The following ESRP2 variants were observed in gnomAD, a reference collection of about 807,000 sequenced individuals.
The protein encoded by ESRP2 is RNA binding motif protein 35A.
Under a neutral mutation model 78.6 loss-of-function variants are expected in ESRP2, and 48 were observed. That is an observed-to-expected ratio of 0.61 (90% CI 0.48 to 0.78). The LOEUF (loss-of-function observed/expected upper bound fraction) is 0.78. ESRP2 is among the 30% of genes least tolerant of loss of function. The pLI is 0.00. For synonymous variants in ESRP2, 383 were observed against 406.7 expected (o/e 0.94, Z 0.70); for missense variants, 863 against 965.9 (o/e 0.89, Z 1.41).
At position 68,231,636 on chromosome 16, in the gene ESRP2, G is replaced by A. The variant is rs771319510; in HGVS notation, c.1358C>T (p.Pro453Leu). The A allele has an allele frequency of 4.3e-6, 7 of 1,613,938 alleles. No individual in the cohort carries two copies. The South Asian group carries it at 7.7e-5, about 18-fold the overall frequency. Reference protein sequence around the residue: ...LLPTLTAPLLPIPFPLAPGTG... With the variant: ...LLPTLTAPLLLIPFPLAPGTG... ...CCCAGGTGCCAGTGGGAAGGGGATGGGCAGCAGTGGGGCAGTCAGTGTAGG... is the reference window on the plus strand; with the variant it reads ...CCCAGGTGCCAGTGGGAAGGGGATGAGCAGCAGTGGGGCAGTCAGTGTAGG... The change falls in exon 11 of 15, where the codon CCC (proline) becomes CTC (leucine). Residue 453 changes from proline (P) to leucine (L), a missense_variant. By Grantham distance (98) the Pro-to-Leu change is moderately conservative (BLOSUM62 -3). Coordinates refer to ENST00000473183, the MANE Select transcript of ESRP2 (RefSeq NM_024939.3). The surrounding 1 kb of genome is among the most constrained non-coding windows in gnomAD (Gnocchi z 6.0).
rs969448972 is a variant in ESRP2 at position 68,229,093 on chromosome 16, C to T, written c.*1133G>A. 1.3e-5 allele frequency: 2 copies of T among 152,186 alleles called. No homozygotes were observed. The highest frequency in any genetic ancestry group is 2.9e-5 in the Non-Finnish European group (2 of 68,032). The allele number at this position is 152,186 out of a possible 1,614,324, so 9.4% of individuals were successfully genotyped here. ...GATGTTTAGTAAAGGAACTGGTTCT[C>T]AGTTATGTTTACAGCACTTGGAATT... On this transcript the variant is annotated 3_prime_UTR_variant, in exon 15 of 15. Transcript: ENST00000473183.
In ESRP2 at chr16:68,231,479, C is replaced by T. The variant is rs769287074; in HGVS notation, c.1512+3G>A. ...TGTTCCCCCTACCAAGCAGTGGCTT[C>T]ACCTGCTGGTTGAGCACCATGTGTA... On this transcript the variant is annotated splice_donor_region_variant and intron_variant, in intron 11 of 14. Coordinates refer to ENST00000473183, the MANE Select transcript of ESRP2 (RefSeq NM_024939.3). This position sits in a 1 kb window ranked among gnomAD's most constrained non-coding sequence, Gnocchi z 6.0. 1.9e-6 allele frequency: 3 copies of T among 1,614,084 alleles called. No homozygotes were observed. The highest frequency in any genetic ancestry group is 2.5e-6 in the Non-Finnish European group (3 of 1,179,990).
At position 68,232,931 on chromosome 16, in the gene ESRP2, G is replaced by T; in HGVS notation, c.656-116C>A. On this transcript the variant is annotated intron_variant, in intron 5 of 14. Transcript: ENST00000473183. This position sits in a 1 kb window ranked among gnomAD's most constrained non-coding sequence, Gnocchi z 5.2. ...AAGAAATGACAGGCCGAGCACAGTG[G>T]CTCACGCCTATAATCCCAGCACTTT... The T allele has an allele frequency of 2.1e-6, 3 of 1,433,298 alleles. No individual in the cohort carries two copies. The highest frequency in any genetic ancestry group is 2.9e-6 in the Non-Finnish European group (3 of 1,036,700). The allele number at this position is 1,433,298 out of a possible 1,614,324, so 88.8% of individuals were successfully genotyped here. A position where few individuals can be genotyped will look rare whatever the true frequency, so the allele number is the denominator to read the frequency against.
Position 68,235,985 on chromosome 16 carries a change from C to T in ESRP2, c.61G>A (p.Ala21Thr). The change falls in exon 1 of 15, where the codon GCG becomes ACG. Residue 21 changes from alanine to threonine, a missense_variant. Ala to Thr is a moderately conservative substitution (Grantham distance 58). Transcript: ENST00000473183. The surrounding 1 kb of genome is among the most constrained non-coding windows in gnomAD (Gnocchi z 5.5). The stretch of plus-strand genomic sequence containing the variant: ...GATCCGGGCCAGGGGCAGGGGTCCG[C>T]GGCGGGGTCGGCCGCGGGGTCAGGG... ...PGPDPAADPAADPCPWPGSLV... is the reference protein window; with the variant it reads ...PGPDPAADPATDPCPWPGSLV... 1 of 1,583,302 alleles carries T rather than the reference C, an allele frequency of 6.3e-7. No individual in the cohort carries two copies. Among genetic ancestry groups the T allele is most frequent in the South Asian group, 1.1e-5 (1 of 87,930 alleles).
At chr16:68,233,175 G>T (rs2042169904) in intron 5 of ESRP2, 152 bp downstream of exon 5, 2 of 630,476 alleles carry the variant, frequency 3.2e-6, no homozygotes, top group African/African-American at 1.9e-5. Context: ...CTCTAGCCTA[G>T]GCTACAGAGG....
chr16:68,236,012 C>T lies in ESRP2; in HGVS notation c.34G>A (p.Gly12Ser). Residue 12 changes from glycine (G) to serine (S), a missense_variant, in exon 1 of 15, where the codon GGC becomes AGC. Physicochemically the swap from Gly to Ser is moderately conservative, Grantham distance 56 (BLOSUM62 0). Transcript: ENST00000473183. The surrounding 1 kb of genome is among the most constrained non-coding windows in gnomAD (Gnocchi z 5.2). ...TPPPPPPPPP[G>S]PDPAADPAAD... Reference sequence around the variant, plus strand: ...GCGGGGTCGGCCGCGGGGTCAGGGCCCGGGGGAGGGGGCGGCGGCGGCGGC... The same window carrying T: ...GCGGGGTCGGCCGCGGGGTCAGGGCTCGGGGGAGGGGGCGGCGGCGGCGGC... 6.6e-7 allele frequency: 1 copy of T among 1,508,238 alleles called. No homozygotes were observed. The highest frequency in any genetic ancestry group is 8.8e-7 in the Non-Finnish European group (1 of 1,136,022). 93.4% of individuals were successfully genotyped at this position (1,508,238 alleles called of 1,614,324 possible). A position where few individuals can be genotyped will look rare whatever the true frequency, so the allele number is the denominator to read the frequency against.
chr16:68,234,181 A>C (rs2042189709), intron 2 of ESRP2, 74 bp from the exon 3 acceptor site: 1 of 1,187,492 alleles, frequency 8.4e-7, no homozygotes, highest in African/African-American at 1.5e-5. Flanking sequence ...GGTAGGAGGA[A>C]GGAGGCAGGC....
At position 68,230,509 on chromosome 16, in the gene ESRP2, A is replaced by C. The variant is rs770054239; in HGVS notation, c.1944T>G (p.Thr648=). 2 of 1,603,440 alleles carry C rather than the reference A, an allele frequency of 1.2e-6. No homozygotes were observed. Among genetic ancestry groups the C allele is most frequent in the Non-Finnish European group, 8.5e-7 (1 of 1,174,150 alleles). Residue 648 remains threonine (T), a synonymous_variant, in exon 14 of 15, where the codon ACT becomes ACG. Transcript: ENST00000473183. ...AGGTGGGAGCAGAGGCCAGGGCAGC[A>C]GTGGGTGTAGTGAGGTAGCCCACAG... ...PTTVGYLTTP[T]AALASAPTSV...
chr16:68,234,017 G>A lies in ESRP2; in HGVS notation c.418C>T (p.Leu140=). 6.2e-7 allele frequency: 1 copy of A among 1,614,094 alleles called. No individual in the cohort carries two copies. Among genetic ancestry groups the A allele is most frequent in the Non-Finnish European group, 8.5e-7 (1 of 1,179,992 alleles). The change falls in exon 3 of 15, where the codon CTG becomes TTG. Residue 140 remains leucine, a synonymous_variant. Coordinates refer to ENST00000473183, the MANE Select transcript of ESRP2 (RefSeq NM_024939.3). The stretch of plus-strand genomic sequence containing the variant: ...ACCTTCCTGGAGGCCTCGGGGTGCA[G>A]GACCTGTCGCAATAGCTGCTGCCCA... ...TDGQQLLRQV[L]HPEASRKNLV...
At chr16:68,234,324 C>A in intron 2 of ESRP2, 2 of 567,520 alleles carry the variant, frequency 3.5e-6, no homozygotes, top group South Asian at 4.4e-5. Context: ...CTCCTCCAGG[C>A]CAAATGAGGG....
chr16:68,233,123 C>A (rs959152317), intron 5 of ESRP2: 1 of 607,436 alleles, frequency 1.6e-6, no homozygotes, highest in East Asian at 2.8e-5. Context: ...CGCTTGAACC[C>A]GGAAAGTGGA....
rs374092654 is a variant in ESRP2 at position 68,230,251 on chromosome 16, G to A, written c.2129C>T (p.Ala710Val). Residue 710 changes from alanine to valine, a missense_variant, in exon 15 of 15, where the codon GCC becomes GTC. Coordinates refer to ENST00000473183, the MANE Select transcript of ESRP2 (RefSeq NM_024939.3). ...VGDPPRTVLQ[A>V]PKEWVCL ...CTACAAACACACCCATTCCTTGGGGGCTTGTAACACAGTGCGAGGTGGGTC... is the reference window on the plus strand; with the variant it reads ...CTACAAACACACCCATTCCTTGGGGACTTGTAACACAGTGCGAGGTGGGTC... 1.3e-5 allele frequency: 21 copies of A among 1,614,178 alleles called. No homozygotes were observed. The East Asian group carries it at 4.5e-4, about 34-fold the overall frequency.
chr16:68,230,790 C>G (rs763196838), intron 13 of ESRP2, 51 bp downstream of exon 13: 1 of 1,607,288 alleles, frequency 6.2e-7, no homozygotes, highest in Non-Finnish European at 8.5e-7. Flanking sequence ...TGACCTTTCC[C>G]CAGATTGGGA....
rs2042207169 is a variant in ESRP2, at chr16:68,235,200, C to T, written c.327+434G>A. On this transcript the variant is annotated intron_variant, in intron 2 of 14. Transcript: ENST00000473183. This position sits in a 1 kb window ranked among gnomAD's most constrained non-coding sequence, Gnocchi z 5.5. ...GTCTACCTCTAGGGCCGACACCGCC[C>T]TACGCCTCCGCTCCAGCAGCTCCCA... is the stretch of plus-strand genomic sequence containing the variant. 2.0e-6 allele frequency: 2 copies of T among 985,296 alleles called. No individual in the cohort carries two copies. Among genetic ancestry groups the T allele is most frequent in the Admixed American group, 1.2e-4 (2 of 16,276 alleles). The allele number at this position is 985,296 out of a possible 1,614,324, so 61.0% of individuals were successfully genotyped here.
chr16:68,230,518 A>T lies in ESRP2; in HGVS notation c.1935T>A (p.Thr645=). 6.3e-7 allele frequency: 1 copy of T among 1,599,274 alleles called. No individual in the cohort carries two copies. The highest frequency in any genetic ancestry group is 8.5e-7 in the Non-Finnish European group (1 of 1,171,904). The part of the protein sequence containing the change: ...PVSPTTVGYL[T]TPTAALASAP... The stretch of plus-strand genomic sequence containing the variant: ...CAGAGGCCAGGGCAGCAGTGGGTGT[A>T]GTGAGGTAGCCCACAGTGGTGGGGG... The change falls in exon 14 of 15, where the codon ACT becomes ACA. Residue 645 remains threonine, a synonymous_variant. Coordinates refer to ENST00000473183, the MANE Select transcript of ESRP2 (RefSeq NM_024939.3).
At position 68,231,332 on chromosome 16, in the gene ESRP2, C is replaced by G. The variant is rs2042136376; in HGVS notation, c.1557G>C (p.Glu519Asp). ...GDAFIQMTSAERALAAAQRCH... is the reference protein window; with the variant it reads ...GDAFIQMTSADRALAAAQRCH... ...AACGCTGAGCAGCAGCTAGGGCTCGCTCTGCTGATGTCATCTGAATGAAGG... is the reference window on the plus strand; with the variant it reads ...AACGCTGAGCAGCAGCTAGGGCTCGGTCTGCTGATGTCATCTGAATGAAGG... Residue 519 changes from glutamate to aspartate, a missense_variant, in exon 12 of 15, where the codon GAG becomes GAC. Glu to Asp is a conservative substitution (Grantham distance 45). Coordinates refer to ENST00000473183, the MANE Select transcript of ESRP2 (RefSeq NM_024939.3). The surrounding 1 kb of genome is among the most constrained non-coding windows in gnomAD (Gnocchi z 6.0). 3 of 1,614,038 alleles carry G rather than the reference C, an allele frequency of 1.9e-6. No homozygotes were observed. The highest frequency in any genetic ancestry group is 1.3e-5 in the African/African-American group (1 of 74,912).
Position 68,230,820 on chromosome 16 carries a change from A to G in ESRP2, c.1898+21T>C, listed in dbSNP as rs201160955. The G allele has an allele frequency of 4.5e-4, 720 of 1,613,560 alleles. 2 individuals are homozygous for G. The highest frequency in any genetic ancestry group is 3.1e-4 in the Non-Finnish European group (369 of 1,179,760). ...TTGGGACAGGGAGTGGGACTGTGAT[A>G]TTCTCTTAGCTGCAGGGTACCTTGG... On this transcript the variant is annotated intron_variant, in intron 13 of 14. Transcript: ENST00000473183.
chr16:68,234,412 G>C (rs1312634833), intron 2 of ESRP2: 1 of 305,124 alleles, frequency 3.3e-6, no homozygotes, highest in Non-Finnish European at 6.0e-6. Context: ...CCTGGAGTGG[G>C]ACAAGCAGGT....
chr16:68,229,413 G>T lies in ESRP2; in HGVS notation c.*813C>A, dbSNP rs1265894056. 1 of 152,630 alleles carries T rather than the reference G, an allele frequency of 6.6e-6. No individual in the cohort carries two copies. The highest frequency in any genetic ancestry group is 1.9e-4 in the East Asian group (1 of 5,198). The allele number at this position is 152,630 out of a possible 1,614,324, so 9.5% of individuals were successfully genotyped here. On this transcript the variant is annotated 3_prime_UTR_variant, in exon 15 of 15. Coordinates refer to ENST00000473183, the MANE Select transcript of ESRP2 (RefSeq NM_024939.3). Reference sequence around the variant, plus strand: ...GATCGAGTTCCAAATTGCTTCCGAGGCTTCAGTTCTGTACCATTTAATGCG... The same window carrying T: ...GATCGAGTTCCAAATTGCTTCCGAGTCTTCAGTTCTGTACCATTTAATGCG...
Sources: allele counts gnomAD v4.1 joint callset, GRCh38; gene constraint gnomAD v4.1.1; non-coding constraint Gnocchi (gnomAD v3.1); transcripts MANE v1.5; gene names NCBI Gene and HGNC (gene_info 2026-07-23, HGNC 2026-07-21).